The following LIPI variants were observed in gnomAD, a reference collection of about 807,000 sequenced individuals.
LIPI encodes the protein lipase I, also known as lipase member I.
A neutral mutation model predicts 50.6 loss-of-function variants in LIPI; 59 were observed. The observed-to-expected ratio is 1.16, with a 90% CI of 0.94 to 1.45. LIPI has a LOEUF of 1.45. LIPI is among the 40% of genes most tolerant of loss of function. LIPI has a pLI of 0.00. For synonymous variants in LIPI, 203 were observed against 178.2 expected, an observed-to-expected ratio of 1.14 and a Z score of -1.11; for missense variants, 586 against 536.3, an observed-to-expected ratio of 1.09 and a Z score of -0.92.
At chr21:14,125,161 A>G (rs1485075531) in intron 9 of LIPI, among the ~76,000 whole-genome samples, 2 of 152,210 alleles carry the variant, frequency 1.3e-5, no homozygotes, top group East Asian at 1.9e-4. Context: ...ATTATACCAG[A>G]TGAAAATACA....
At chr21:14,166,750 G>A (rs372707232) in intron 4 of LIPI, among the ~76,000 whole-genome samples, 3 of 152,326 alleles carry the variant, frequency 2.0e-5, no homozygotes, top group East Asian at 3.9e-4. Flanking sequence ...CGAATAGGAA[G>A]AGCTCCAGTC....
At chr21:14,193,127 T>C (rs1399171615) in intron 1 of LIPI, among the ~76,000 whole-genome samples, 4 of 152,092 alleles carry the variant, frequency 2.6e-5, no homozygotes, top group African/African-American at 2.4e-5. Context: ...TGTAAAGAAG[T>C]AGAGAATTTT....
intron 1 of LIPI, among the ~76,000 whole-genome samples, chr21:14,202,926 T>C (rs1204163860): frequency 6.6e-6 from 1 of 152,056 alleles, no homozygotes; most frequent in Admixed American, 6.6e-5. Flanking sequence ...ATTTTTGCAA[T>C]CTACCCATCT....
rs1296324773 is a variant in LIPI, at chr21:14,210,811, C to T, written c.35G>A (p.Trp12Ter). Reference sequence around the variant, plus strand: ...AATTAATATCTTACCAGATCTCACCCAGCACATCAAACAAAGAAAAATGTA... The same window carrying T: ...AATTAATATCTTACCAGATCTCACCTAGCACATCAAACAAAGAAAAATGTA... ...RVYIFLCLMC[W>*]VRSDNKRPCL... Residue 12 changes from tryptophan (W) to a stop codon, truncating the protein, a stop_gained, in exon 1 of 10, where the codon TGG becomes TAG. Transcript: ENST00000681601. LOFTEE classifies it high-confidence loss of function. 1.6e-6 allele frequency: 2 copies of T among 1,216,204 alleles called. No individual in the cohort carries two copies. Among genetic ancestry groups the T allele is most frequent in the Non-Finnish European group, 2.1e-6 (2 of 941,128 alleles). The allele number at this position is 1,216,204 out of a possible 1,614,324, so 75.3% of individuals were successfully genotyped here.
At chr21:14,209,725 A>C (rs530016393) in intron 1 of LIPI, among the ~76,000 whole-genome samples, 3 of 152,256 alleles carry the variant, frequency 2.0e-5, no homozygotes, top group Admixed American at 2.0e-4. Context: ...AATATCAGAA[A>C]GTCTGTCAAA....
chr21:14,149,749 T>C (rs944444732), intron 8 of LIPI, among the ~76,000 whole-genome samples: 2 of 152,084 alleles, frequency 1.3e-5, no homozygotes, highest in Non-Finnish European at 2.9e-5. Flanking sequence ...AACCCTAAAG[T>C]TCCAAAATGA....
chr21:14,199,307 G>A (rs2019969119), intron 1 of LIPI, among the ~76,000 whole-genome samples: 1 of 151,464 alleles, frequency 6.6e-6, no homozygotes, highest in South Asian at 2.1e-4. Flanking sequence ...GAATCTAGGA[G>A]GTGGTTTTCT....
chr21:14,146,879 A>G (rs1221483356), intron 8 of LIPI, among the ~76,000 whole-genome samples: 3 of 145,206 alleles, frequency 2.1e-5, no homozygotes, highest in African/African-American at 7.8e-5. Flanking sequence ...CCCAGGTTCA[A>G]GTGATTCTCC....
intron 1 of LIPI, among the ~76,000 whole-genome samples, chr21:14,208,358 T>C (rs75405996): frequency 0.027 from 4,049 of 152,276 alleles, 69 homozygotes; most frequent in Admixed American, 0.032. Flanking sequence ...CTACAAGTTC[T>C]GTGACTTTAC....
chr21:14,129,742 T>G (rs1456300995), intron 9 of LIPI, among the ~76,000 whole-genome samples: 4 of 150,872 alleles, frequency 2.7e-5, no homozygotes, highest in Non-Finnish European at 5.9e-5. Flanking sequence ...GGTAAAATGC[T>G]GATTTTTAAA....
chr21:14,140,075 A>G (rs945139419), intron 9 of LIPI, among the ~76,000 whole-genome samples: 1 of 152,136 alleles, frequency 6.6e-6, no homozygotes, highest in South Asian at 2.1e-4. Flanking sequence ...GACATAACCC[A>G]CTTTTAAAAG....
At chr21:14,138,954 G>A (rs1444549610) in intron 9 of LIPI, among the ~76,000 whole-genome samples, 1 of 151,844 alleles carries the variant, frequency 6.6e-6, no homozygotes, top group Non-Finnish European at 1.5e-5. Flanking sequence ...CCATTTTACA[G>A]GTAAGGAAAA....
At chr21:14,139,010 T>C (rs2017608987) in intron 9 of LIPI, among the ~76,000 whole-genome samples, 3 of 152,214 alleles carry the variant, frequency 2.0e-5, no homozygotes, top group South Asian at 4.1e-4. Flanking sequence ...ATAAAGCTAG[T>C]AATTAGCTGA....
rs757639263 is a variant in LIPI, at chr21:14,189,264, C to T, written c.202G>A (p.Val68Ile). 1.3e-5 allele frequency: 21 copies of T among 1,613,890 alleles called. No individual in the cohort carries two copies. Among genetic ancestry groups the T allele is most frequent in the Non-Finnish European group, 1.7e-6 (2 of 1,179,918 alleles). Reference sequence around the variant, plus strand: ...GTTTTCTTTTGTGTGTTGAAATTAACATTAAGTGAGTTATTTTGTTCAAAC... The same window carrying T: ...GTTTTCTTTTGTGTGTTGAAATTAATATTAAGTGAGTTATTTTGTTCAAAC... ...PLFEQNNSLN[V>I]NFNTQKKTVW... The change falls in exon 2 of 10, where the codon GTT becomes ATT. Residue 68 changes from valine to isoleucine, a missense_variant. Coordinates refer to ENST00000681601, the MANE Select transcript of LIPI (RefSeq NM_001302998.2).
chr21:14,137,585 C>T (rs2017549282), intron 9 of LIPI, among the ~76,000 whole-genome samples: 1 of 151,840 alleles, frequency 6.6e-6, no homozygotes, highest in Non-Finnish European at 1.5e-5. Flanking sequence ...CTTACAGGAT[C>T]TAGAAAATAG....
chr21:14,173,711 C>T (rs923952983), intron 4 of LIPI, among the ~76,000 whole-genome samples: 5 of 152,142 alleles, frequency 3.3e-5, no homozygotes, highest in African/African-American at 9.7e-5. Context: ...TAGGATGTAA[C>T]AGAACCTCTA....
At chr21:14,191,021 T>C (rs977608467) in intron 1 of LIPI, among the ~76,000 whole-genome samples, 21 of 152,100 alleles carry the variant, frequency 1.4e-4, no homozygotes, top group Non-Finnish European at 2.5e-4. Flanking sequence ...TATTAAAAGA[T>C]ATAAAATATT....
At chr21:14,199,931 T>C (rs892348520) in intron 1 of LIPI, among the ~76,000 whole-genome samples, 1 of 152,242 alleles carries the variant, frequency 6.6e-6, no homozygotes, top group Non-Finnish European at 1.5e-5. Context: ...ATCCCTGAGA[T>C]GGAAGGTTGG....
At chr21:14,111,601 C>T (rs1052029726) in intron 9 of LIPI, among the ~76,000 whole-genome samples, 2 of 151,972 alleles carry the variant, frequency 1.3e-5, no homozygotes, top group Non-Finnish European at 2.9e-5. Context: ...TTAATGTAAT[C>T]CCATTTGTCT....
Sources: gnomAD v4.1 joint callset for allele counts (sites outside exome capture counted in the v4.1 genomes callset) on GRCh38, gnomAD v4.1.1 for gene constraint, MANE v1.5 for transcripts, NCBI Gene and HGNC (gene_info 2026-07-23, HGNC 2026-07-21) for gene names.